Variants in DST observed in about 807,000 individuals in gnomAD.
DST encodes dystonin.
A neutral mutation model predicts 875.2 loss-of-function variants in DST; 253 were observed. That is an observed-to-expected ratio of 0.29 (90% confidence interval 0.26 to 0.32). DST has a LOEUF of 0.32. DST is among the 10% of genes least tolerant of loss of function. The pLI, the probability that DST is intolerant of heterozygous loss-of-function variation, is 1.00. For synonymous variants in DST, 3,124 were observed against 3,197.1 expected (o/e 0.98, Z 0.77); for missense variants, 8,287 against 9,111.6 (o/e 0.91, Z 3.68).
At chr6:56,814,815 GAAC>G (rs1356303505) in intron 4 of DST, among the ~76,000 whole-genome samples, 1 of 152,076 alleles carries the variant, frequency 6.6e-6, no homozygotes, top group East Asian at 1.9e-4. Context: ...AAATATTATT[GAAC>G]AAAAAGAGAG....
intron 3 of DST, among the ~76,000 whole-genome samples, chr6:56,884,872 G>A (rs1783912952): frequency 6.6e-6 from 1 of 152,108 alleles, no homozygotes; most frequent in Non-Finnish European, 1.5e-5. Context: ...GAGACTACAG[G>A]CACGTGCCAC....
rs559576813 is a variant in DST, at chr6:56,470,907, G to A, written c.22321+199C>T. Among the ~76,000 whole-genome samples, 595 of 151,474 alleles carry A rather than the reference G, an allele frequency of 3.9e-3. 2 individuals are homozygous for A. Among genetic ancestry groups the A allele is most frequent in the Non-Finnish European group, 6.3e-3 (425 of 67,652 alleles). On this transcript the variant is annotated intron_variant, in intron 95 of 103. Transcript: ENST00000680361. The stretch of plus-strand genomic sequence containing the variant: ...TCAGTGGAGGGAACAACATATCTGT[G>A]ATTACACAGTTAGTGAGTGTTCCTG...
In DST at chr6:56,463,684, G is replaced by T. The variant is rs1341118490; in HGVS notation, c.22840C>A (p.Pro7614Thr). 1 of 1,613,852 alleles carries T rather than the reference G, an allele frequency of 6.2e-7. No individual in the cohort carries two copies. The highest frequency in any genetic ancestry group is 1.7e-5 in the Admixed American group (1 of 59,994). The change falls in exon 101 of 104, where the codon CCC becomes ACC. Residue 7614 changes from proline (P) to threonine (T), a missense_variant. Physicochemically the swap from Pro to Thr is conservative, Grantham distance 38 (BLOSUM62 -1). Around this residue, in one of 10 missense-constraint regions of DST, gnomAD observed 64 missense variants for 86.2 expected, o/e 0.74. Transcript: ENST00000680361. ...GATGGCCGGGATCTTCGGCCTCGGG[G>T]TCGGAAAGCAGCCATACCCTGGCTG... The part of the protein sequence containing the change: ...GASQGMAAFR[P>T]RGRRSRPSSR...
rs547847368 is a variant in DST at position 56,673,420 on chromosome 6, C to G, written c.1048-2613G>C. Among the ~76,000 whole-genome samples, 4 of 152,170 alleles carry G rather than the reference C, an allele frequency of 2.6e-5. No homozygotes were observed. The South Asian group carries it at 6.2e-4, about 24-fold the overall frequency. ...AATGACAGATAGAAATGGTAGATAG[C>G]TGGGGTTGTGTGGGACTGTTTTCTG... On this transcript the variant is annotated intron_variant, in intron 9 of 103. Transcript: ENST00000680361.
chr6:56,671,727 T>C (rs1310757777), intron 9 of DST, among the ~76,000 whole-genome samples: 2 of 152,156 alleles, frequency 1.3e-5, no homozygotes, highest in Admixed American at 6.5e-5. Context: ...CCTCAATCAG[T>C]GCAAGACGCA....
chr6:56,748,680 T>A (rs569405997), intron 4 of DST, among the ~76,000 whole-genome samples: 1 of 152,286 alleles, frequency 6.6e-6, no homozygotes, highest in Admixed American at 6.5e-5. Flanking sequence ...TCTTTATGGA[T>A]CATCATCCTC....
chr6:56,682,250 G>T (rs936503147), intron 9 of DST, among the ~76,000 whole-genome samples: 2 of 152,084 alleles, frequency 1.3e-5, no homozygotes, highest in Non-Finnish European at 2.9e-5. Context: ...ATGGCTCACT[G>T]CAGTGTTGAT....
intron 99 of DST, among the ~76,000 whole-genome samples, chr6:56,465,696 A>G (rs1028845772): frequency 2.6e-5 from 4 of 152,022 alleles, no homozygotes; most frequent in Non-Finnish European, 5.9e-5. Context: ...TTTATTATCC[A>G]GTATTTTCGG....
intron 53 of DST, among the ~76,000 whole-genome samples, chr6:56,571,053 T>C (rs899004499): frequency 1.3e-5 from 2 of 152,198 alleles, no homozygotes; most frequent in South Asian, 2.1e-4. Context: ...AGAATTTTCA[T>C]GTGTGCCTCC....
At chr6:56,530,343 C>T (rs979211293) in intron 64 of DST, among the ~76,000 whole-genome samples, 3 of 152,122 alleles carry the variant, frequency 2.0e-5, no homozygotes, top group Admixed American at 2.0e-4. Context: ...TCCTCAAGTT[C>T]CTGAATCTCA....
intron 2 of DST, among the ~76,000 whole-genome samples, chr6:56,947,069 A>G (rs1819903561): frequency 6.6e-6 from 1 of 152,070 alleles, no homozygotes; most frequent in African/African-American, 2.4e-5. Context: ...CCTCAAAAAT[A>G]TGGTACCCAT....
At chr6:56,585,845 G>A (rs1412622321) in intron 49 of DST, among the ~76,000 whole-genome samples, 13 of 152,120 alleles carry the variant, frequency 8.5e-5, no homozygotes, top group African/African-American at 2.7e-4. Context: ...CCTTCATTTC[G>A]TTAGGTACCC....
At chr6:56,588,287 G>T (rs900769987) in intron 49 of DST, among the ~76,000 whole-genome samples, 2 of 152,098 alleles carry the variant, frequency 1.3e-5, no homozygotes, top group African/African-American at 4.8e-5. Context: ...CTATTTCTTA[G>T]CTATTTATTC....
intron 5 of DST, chr6:56,734,993 A>C (rs2099517768): frequency 2.5e-6 from 1 of 399,456 alleles, no homozygotes; most frequent in Non-Finnish European, 4.4e-6. Flanking sequence ...AACAGGTTTT[A>C]CTAACGTCAC....
intron 4 of DST, among the ~76,000 whole-genome samples, chr6:56,831,526 TTGTGAAACCCCTGGATGCTCGTA>T (rs2099786987): frequency 6.6e-6 from 1 of 152,052 alleles, no homozygotes; most frequent in Non-Finnish European, 1.5e-5. Flanking sequence ...CCAGCCCTGC[TTGTGAAACCCCTGGATGCTCGTA>T]TCACTCCTCT....
Position 56,605,845 on chromosome 6 carries a change from G to A in DST, c.8783C>T (p.Thr2928Ile), listed in dbSNP as rs781778328. 2.1e-5 allele frequency: 34 copies of A among 1,612,286 alleles called. No individual in the cohort carries two copies. Among genetic ancestry groups the A allele is most frequent in the Non-Finnish European group, 2.9e-5 (34 of 1,179,186 alleles). Residue 2928 changes from threonine to isoleucine, a missense_variant, in exon 40 of 104, where the codon ACT (threonine) becomes ATT (isoleucine). Physicochemically the swap from Thr to Ile is moderately conservative, Grantham distance 89. Coordinates refer to ENST00000680361, the MANE Select transcript of DST (RefSeq NM_001374736.1). The part of the protein sequence containing the change: ...KDVLPPIIKD[T>I]ESEKTFGPAS... Reference sequence around the variant, plus strand: ...AGGGCCAAAAGTTTTTTCAGATTCAGTGTCTTTAATGATAGGCGGCAATAC... The same window carrying A: ...AGGGCCAAAAGTTTTTTCAGATTCAATGTCTTTAATGATAGGCGGCAATAC...
rs781302638 is a variant in DST, at chr6:56,517,290, T to C, written c.18265A>G (p.Ile6089Val). Residue 6089 changes from isoleucine to valine, a missense_variant, in exon 71 of 104, where the codon ATT (isoleucine) becomes GTT (valine). By Grantham distance (29) the Ile-to-Val change is conservative. This residue lies in a region of DST where 777 missense variants were observed against 764.8 expected (regional missense o/e 1.02). Coordinates refer to ENST00000680361, the MANE Select transcript of DST (RefSeq NM_001374736.1). ...LQVQKTFTME[I>V]LRHKDIIDDL... Reference sequence around the variant, plus strand: ...TCAATAATATCCTTGTGTCTCAAAATCTCCATGGTGAATGTCTGTGATTTA... The same window carrying C: ...TCAATAATATCCTTGTGTCTCAAAACCTCCATGGTGAATGTCTGTGATTTA... The C allele has an allele frequency of 6.2e-7, 1 of 1,612,222 alleles. No individual in the cohort carries two copies. The highest frequency in any genetic ancestry group is 1.7e-5 in the Admixed American group (1 of 59,958).
At position 56,553,181 on chromosome 6, in the gene DST, G is replaced by C. The variant is rs531201352; in HGVS notation, c.15611C>G (p.Ser5204Cys). Residue 5204 changes from serine (S) to cysteine (C), a missense_variant, in exon 61 of 104, where the codon TCT (serine) becomes TGT (cysteine). Transcript: ENST00000680361. Reference sequence around the variant, plus strand: ...CTGCAGAGACTTTAACTTGGCAATAGAATTCTCTCCTTCAGCAGGATCCAA... The same window carrying C: ...CTGCAGAGACTTTAACTTGGCAATACAATTCTCTCCTTCAGCAGGATCCAA... ...FCLDPAEGEN[S>C]IAKLKSLQKE... 6.2e-7 allele frequency: 1 copy of C among 1,613,946 alleles called. No homozygotes were observed. Among genetic ancestry groups the C allele is most frequent in the Non-Finnish European group, 8.5e-7 (1 of 1,179,886 alleles).
chr6:56,536,913 A>G lies in DST; in HGVS notation c.16636T>C (p.Leu5546=). Residue 5546 remains leucine, a synonymous_variant, in exon 62 of 104, where the codon TTG becomes CTG. Coordinates refer to ENST00000680361, the MANE Select transcript of DST (RefSeq NM_001374736.1). ...KVFQKEEIEP[L]QGKQQDVNWL... The stretch of plus-strand genomic sequence containing the variant: ...TTTACATCTTGCTGTTTACCTTGCA[A>G]GGGTTCAATCTCTTCTTTCTGGAAT... The G allele has an allele frequency of 6.2e-7, 1 of 1,613,910 alleles. No individual in the cohort carries two copies. The highest frequency in any genetic ancestry group is 8.5e-7 in the Non-Finnish European group (1 of 1,179,832).
Sources: allele counts gnomAD v4.1 joint callset (sites outside exome capture counted in the v4.1 genomes callset), GRCh38; gene constraint gnomAD v4.1.1; regional missense constraint gnomAD v4.1.1; transcripts MANE v1.5; gene names NCBI Gene and HGNC (gene_info 2026-07-23, HGNC 2026-07-21).